Variants in PRR16 observed in about 807,000 individuals in gnomAD.
PRR16 encodes proline rich 16.
PRR16 carries 6 observed loss-of-function variants against 18.2 expected under a neutral mutation model. That is an observed-to-expected ratio of 0.33 (90% CI 0.18 to 0.65). The LOEUF is 0.65. Among genes scored for constraint, PRR16 ranks in the 30% least tolerant of loss-of-function variants. PRR16 has a pLI of 0.74. For synonymous variants in PRR16, 151 were observed against 147.8 expected, an observed-to-expected ratio of 1.02 and a Z score of -0.16; for missense variants, 412 against 376.6, an observed-to-expected ratio of 1.09 and a Z score of -0.78.
At chr5:120,582,374 G>T (rs140024492) in intron 1 of PRR16, among the ~76,000 whole-genome samples, 2 of 152,052 alleles carry the variant, frequency 1.3e-5, no homozygotes, top group African/African-American at 4.8e-5. Context: ...TGGGTGAAAG[G>T]TACACTAGAA....
chr5:120,743,382 TA>T, the PRR16 span, among the ~76,000 whole-genome samples: 3,243 of 151,524 alleles, frequency 0.021, 61 homozygotes, highest in African/African-American at 0.047. Context: ...CATAGGTGAT[TA>T]AAAAAAAATG....
chr5:120,723,009 C>T, the PRR16 span, among the ~76,000 whole-genome samples: 1 of 151,386 alleles, frequency 6.6e-6, no homozygotes, highest in Non-Finnish European at 1.5e-5. Context: ...GATGTTTTAA[C>T]AAATATTAAA....
chr5:120,738,320 T>A, the PRR16 span, among the ~76,000 whole-genome samples: 1 of 151,952 alleles, frequency 6.6e-6, no homozygotes, highest in Non-Finnish European at 1.5e-5. Flanking sequence ...AGTTGGAGGG[T>A]GGGTATACAA....
At chr5:120,561,140 C>T (rs987760337) in intron 1 of PRR16, among the ~76,000 whole-genome samples, 3 of 151,530 alleles carry the variant, frequency 2.0e-5, no homozygotes, top group Non-Finnish European at 4.4e-5. Flanking sequence ...CTTCATTATT[C>T]CTTTTTCTCT....
chr5:120,773,354 T>C, the PRR16 span, among the ~76,000 whole-genome samples: 1 of 152,262 alleles, frequency 6.6e-6, no homozygotes, highest in South Asian at 2.1e-4. Flanking sequence ...TTTGAATGTT[T>C]CTCTTGGCCA....
intron 1 of PRR16, among the ~76,000 whole-genome samples, chr5:120,524,377 A>G (rs1580684308): frequency 6.6e-6 from 1 of 152,190 alleles, no homozygotes; most frequent in South Asian, 2.1e-4. Flanking sequence ...TAACATATCT[A>G]ATGTACAAGC....
intron 1 of PRR16, among the ~76,000 whole-genome samples, chr5:120,547,031 G>A (rs1248558311): frequency 3.9e-5 from 6 of 152,068 alleles, no homozygotes; most frequent in Non-Finnish European, 7.4e-5. Context: ...TAAAAGGTAA[G>A]TTTTGAGATG....
chr5:120,657,893 G>A (rs550116810), intron 1 of PRR16, among the ~76,000 whole-genome samples: 4 of 151,896 alleles, frequency 2.6e-5, no homozygotes, highest in South Asian at 2.1e-4. Context: ...TGTGATTGTC[G>A]CCATATGGGA....
intron 1 of PRR16, among the ~76,000 whole-genome samples, chr5:120,631,767 G>A (rs1313680088): frequency 2.6e-5 from 4 of 152,172 alleles, no homozygotes; most frequent in Middle Eastern, 6.8e-3. Context: ...CCTGGTAGCC[G>A]AAGACAAAGG....
At chr5:120,530,737 T>C (rs1751524590) in intron 1 of PRR16, among the ~76,000 whole-genome samples, 1 of 151,876 alleles carries the variant, frequency 6.6e-6, no homozygotes, top group African/African-American at 2.4e-5. Context: ...AAAGGGATGG[T>C]AGGGTGAAAT....
At chr5:120,645,491 G>A (rs1755560696) in intron 1 of PRR16, among the ~76,000 whole-genome samples, 1 of 151,264 alleles carries the variant, frequency 6.6e-6, no homozygotes, top group Admixed American at 6.6e-5. Context: ...AGCTATTAGG[G>A]GCAAAAGTCA....
chr5:120,635,474 C>A (rs535883190), intron 1 of PRR16, among the ~76,000 whole-genome samples: 57 of 152,164 alleles, frequency 3.7e-4, no homozygotes, highest in African/African-American at 1.3e-3. Flanking sequence ...TACATAAAGT[C>A]AATAAATGTG....
chr5:120,765,200 C>A, the PRR16 span, among the ~76,000 whole-genome samples: 1 of 151,958 alleles, frequency 6.6e-6, no homozygotes, highest in Non-Finnish European at 1.5e-5. Context: ...AATTGCATGA[C>A]CAGAAAATAA....
the PRR16 span, among the ~76,000 whole-genome samples, chr5:120,698,811 G>A: frequency 7.9e-5 from 12 of 152,060 alleles, no homozygotes; most frequent in East Asian, 1.9e-4. Context: ...CCTTTAGTCC[G>A]TTCTACTTTT....
chr5:120,545,755 A>C (rs1370603137), intron 1 of PRR16, among the ~76,000 whole-genome samples: 2 of 152,120 alleles, frequency 1.3e-5, no homozygotes, highest in African/African-American at 2.4e-5. Flanking sequence ...AATTTTAAAA[A>C]TTTGGGTAGC....
At chr5:120,491,417 CCCTTTCCTTTCCTTTCCTTTCCTTT>C (rs200339193) in intron 1 of PRR16, among the ~76,000 whole-genome samples, 4,408 of 131,550 alleles carry the variant, frequency 0.034, 143 homozygotes, top group Admixed American at 0.08. Context: ...AAGGCATATA[CCCTTTCCTTTCCTTTCCTTTCCTTT>C]CCTTTCCTTT....
intron 1 of PRR16, among the ~76,000 whole-genome samples, chr5:120,641,183 C>T (rs1446559961): frequency 6.6e-6 from 1 of 152,080 alleles, no homozygotes; most frequent in Non-Finnish European, 1.5e-5. Flanking sequence ...TCTTTGTATG[C>T]AAGAAAAATT....
chr5:120,469,503 T>A (rs1322098854), intron 1 of PRR16, among the ~76,000 whole-genome samples: 3 of 152,062 alleles, frequency 2.0e-5, no homozygotes, highest in Admixed American at 2.0e-4. Flanking sequence ...TTAATTTTTT[T>A]TTTTTTGATA....
intron 1 of PRR16, among the ~76,000 whole-genome samples, chr5:120,669,571 G>C (rs899218153): frequency 4.0e-5 from 6 of 151,846 alleles, no homozygotes; most frequent in Admixed American, 6.6e-5. Context: ...ATGTGTCCTA[G>C]AGCCCATATA....
Sources: allele counts gnomAD v4.1 joint callset (sites outside exome capture counted in the v4.1 genomes callset), GRCh38; gene constraint gnomAD v4.1.1; transcripts MANE v1.5; gene names NCBI Gene and HGNC (gene_info 2026-07-23, HGNC 2026-07-21).